Variants in REXO1 observed in about 807,000 individuals in gnomAD.
The protein encoded by REXO1 is RNA exonuclease 1 homolog, also known as REX1, RNA exonuclease 1 homolog.
In REXO1, 42 loss-of-function variants were observed where a neutral mutation model predicts 102.6. The ratio of observed to expected loss-of-function variants is 0.41; its 90% CI spans 0.32 to 0.53. The LOEUF is 0.53. REXO1 is among the 20% of genes least tolerant of loss of function. The pLI, the probability that REXO1 is intolerant of heterozygous loss-of-function variation, is 0.27. For synonymous variants in REXO1, 908 were observed against 779.1 expected, an observed-to-expected ratio of 1.17 and a Z score of -2.76; for missense variants, 1,819 against 1,732.5, an observed-to-expected ratio of 1.05 and a Z score of -0.89.
rs1483581443 is a variant in REXO1 at position 1,815,990 on chromosome 19, T to C, written c.*76A>G. 3.3e-6 allele frequency: 5 copies of C among 1,536,340 alleles called. No individual in the cohort carries two copies. The highest frequency in any genetic ancestry group is 3.9e-5 in the Admixed American group (2 of 50,986). On this transcript the variant is annotated 3_prime_UTR_variant, in exon 16 of 16. Transcript: ENST00000170168. The surrounding 1 kb of genome is among the most constrained non-coding windows in gnomAD (Gnocchi z 4.0). ...AGGTGGACGGGTTACCGGAGATTTA[T>C]TGCACTGTTTTGGAAGAGGCATGGG...
rs2069349445 is a variant in REXO1 at position 1,815,997 on chromosome 19, GT to G, written c.*68del. On this transcript the variant is annotated 3_prime_UTR_variant, in exon 16 of 16. Transcript: ENST00000170168. The surrounding 1 kb of genome is among the most constrained non-coding windows in gnomAD (Gnocchi z 4.0). The stretch of plus-strand genomic sequence containing the variant: ...CGGGTTACCGGAGATTTATTGCACT[GT>G]TTTGGAAGAGGCATGGGGCTAAGGA... The G allele has an allele frequency of 3.3e-6, 5 of 1,536,902 alleles. No homozygotes were observed. Among genetic ancestry groups the G allele is most frequent in the Non-Finnish European group, 3.5e-6 (4 of 1,146,860 alleles).
At position 1,826,848 on chromosome 19, in the gene REXO1, G is replaced by T; in HGVS notation, c.1911+30C>A. On this transcript the variant is annotated intron_variant, in intron 2 of 15. Coordinates refer to ENST00000170168, the MANE Select transcript of REXO1 (RefSeq NM_020695.4). The surrounding 1 kb of genome is among the most constrained non-coding windows in gnomAD (Gnocchi z 4.3). ...CAGGCCCTCGGCTCTGCCTCTGCCC[G>T]AGCCCAGCCCCAGCACCCGCGCGCC... 6.4e-7 allele frequency: 1 copy of T among 1,553,760 alleles called. No homozygotes were observed.
At chr19:1,847,439 G>A (rs531974564) in intron 1 of REXO1, among the ~76,000 whole-genome samples, 12 of 152,196 alleles carry the variant, frequency 7.9e-5, no homozygotes, top group Non-Finnish European at 1.5e-4. Flanking sequence ...AGGGACAGAG[G>A]TAACAGGGGA....
chr19:1,824,613 G>A (rs2069652966), intron 3 of REXO1: 1 of 152,214 alleles, frequency 6.6e-6, no homozygotes, highest in Non-Finnish European at 1.5e-5. Context: ...CAGAGCCCCA[G>A]TCAGAGCAAC....
At chr19:1,823,351 G>A (rs747117732) in intron 4 of REXO1, 28 of 397,146 alleles carry the variant, frequency 7.1e-5, no homozygotes, top group South Asian at 4.2e-4. Flanking sequence ...TAGTAACCCC[G>A]GAGCTGGGTC....
At chr19:1,842,822 AAAAC>A (rs1189650955) in intron 1 of REXO1, among the ~76,000 whole-genome samples, 7 of 152,230 alleles carry the variant, frequency 4.6e-5, no homozygotes. Context: ...TGATGTTTCT[AAAAC>A]AAACATTTCC....
intron 8 of REXO1, 32 bp from the exon 9 acceptor site, chr19:1,818,875 T>C (rs2069448701): frequency 1.2e-6 from 2 of 1,605,654 alleles, no homozygotes; most frequent in Non-Finnish European, 1.7e-6. Context: ...AGCCCCTGCC[T>C]GGGATGGCCC....
Position 1,828,513 on chromosome 19 carries a change from G to A in REXO1, c.276C>T (p.Asn92=), listed in dbSNP as rs1365297729. The part of the protein sequence containing the change: ...RPDVLELELV[N]QAIEAVRSEV... ...CACTGCGCACGGCCTCGATGGCCTGGTTGACCAGCTCCAACTCCAGCACAT... is the reference window on the plus strand; with the variant it reads ...CACTGCGCACGGCCTCGATGGCCTGATTGACCAGCTCCAACTCCAGCACAT... The change falls in exon 2 of 16, where the codon AAC becomes AAT. Residue 92 remains asparagine, a synonymous_variant. Transcript: ENST00000170168. The A allele has an allele frequency of 7.5e-6, 12 of 1,604,686 alleles. No individual in the cohort carries two copies. The East Asian group carries it at 2.5e-4, about 33-fold the overall frequency.
At chr19:1,840,459 C>T (rs1859863805) in intron 1 of REXO1, among the ~76,000 whole-genome samples, 1 of 152,150 alleles carries the variant, frequency 6.6e-6, no homozygotes, top group Non-Finnish European at 1.5e-5. Context: ...CAGTGAGCCC[C>T]ATCGGCGGCA....
At chr19:1,830,436 G>C (rs2069871460) in intron 1 of REXO1, among the ~76,000 whole-genome samples, 1 of 152,236 alleles carries the variant, frequency 6.6e-6, no homozygotes, top group South Asian at 2.1e-4. Context: ...TTGAGCCCAG[G>C]GGCTTGAGGC....
At chr19:1,846,903 GT>G (rs2011567191) in intron 1 of REXO1, among the ~76,000 whole-genome samples, 1 of 152,126 alleles carries the variant, frequency 6.6e-6, no homozygotes, top group Admixed American at 6.5e-5. Context: ...TAAAAATAGG[GT>G]TAAAATGAGC....
At chr19:1,844,989 C>T (rs565838481) in intron 1 of REXO1, among the ~76,000 whole-genome samples, 5 of 152,176 alleles carry the variant, frequency 3.3e-5, no homozygotes, top group African/African-American at 7.2e-5. Context: ...CAATCCTCCC[C>T]GGAAGGGTTC....
chr19:1,844,069 C>T (rs751240235), intron 1 of REXO1, among the ~76,000 whole-genome samples: 10 of 152,222 alleles, frequency 6.6e-5, no homozygotes, highest in Non-Finnish European at 1.3e-4. Flanking sequence ...AGGCTGTCAC[C>T]GACACCGGAG....
At chr19:1,822,083 C>G in intron 4 of REXO1, 1 of 443,392 alleles carries the variant, frequency 2.3e-6, no homozygotes, top group Non-Finnish European at 3.9e-6. Flanking sequence ...TTCTGCCTTG[C>G]CCTTTGATGA....
At chr19:1,819,825 CTG>C in intron 7 of REXO1, 107 bp downstream of exon 7, 1 of 1,241,920 alleles carries the variant, frequency 8.1e-7, no homozygotes, top group South Asian at 1.7e-5. Context: ...TTCCTTTTGT[CTG>C]AGACTGTGGC....
intron 1 of REXO1, among the ~76,000 whole-genome samples, 160 bp from the exon 2 acceptor site, chr19:1,828,791 C>A (rs1249949589): frequency 6.6e-6 from 1 of 152,276 alleles, no homozygotes; most frequent in Non-Finnish European, 1.5e-5. Flanking sequence ...CAGCTGGGTA[C>A]AGGCCATGGC....
intron 11 of REXO1, 176 bp downstream of exon 11, chr19:1,817,531 C>A: frequency 6.8e-7 from 1 of 1,465,024 alleles, no homozygotes; most frequent in Non-Finnish European, 9.1e-7. Context: ...GGGAAGTGGC[C>A]AGGGACAGGG....
chr19:1,823,852 A>C lies in REXO1; in HGVS notation c.2017-67T>G, dbSNP rs1322110226. 8.1e-6 allele frequency: 6 copies of C among 740,844 alleles called. No individual in the cohort carries two copies. In the African/African-American group the frequency reaches 9.1e-5, roughly 11 times the overall value. 45.9% of individuals were successfully genotyped at this position (740,844 alleles called of 1,614,324 possible). Reference sequence around the variant, plus strand: ...GCACCTGGAGCAGGCGACCCCGGGCAGGCTTGGGAGAGGGTGGCTGGAGCT... The same window carrying C: ...GCACCTGGAGCAGGCGACCCCGGGCCGGCTTGGGAGAGGGTGGCTGGAGCT... On this transcript the variant is annotated intron_variant, in intron 3 of 15. Transcript: ENST00000170168.
At chr19:1,817,912 T>A in intron 10 of REXO1, 132 bp from the exon 11 acceptor site, 1 of 697,544 alleles carries the variant, frequency 1.4e-6, no homozygotes, top group Non-Finnish European at 2.4e-6. Flanking sequence ...AGCCTCTTGG[T>A]GGAGCTGGAA....
Sources: gnomAD v4.1 joint callset for allele counts (sites outside exome capture counted in the v4.1 genomes callset) on GRCh38, gnomAD v4.1.1 for gene constraint, Gnocchi (gnomAD v3.1) non-coding constraint, MANE v1.5 for transcripts, NCBI Gene and HGNC (gene_info 2026-07-23, HGNC 2026-07-21) for gene names.